The following RETREG1 variants were observed in gnomAD, a reference collection of about 807,000 sequenced individuals.
RETREG1 encodes the protein reticulophagy regulator 1, also known as family with sequence similarity 134 member B.
Under a neutral mutation model 54.8 loss-of-function variants are expected in RETREG1, and 44 were observed. That is an observed-to-expected ratio of 0.80 (90% CI 0.63 to 1.03). The LOEUF (loss-of-function observed/expected upper bound fraction) is 1.03, where lower values mean the gene tolerates loss of function less well. RETREG1 is among the 50% of genes least tolerant of loss of function. The pLI, the probability that RETREG1 is intolerant of heterozygous loss-of-function variation, is 0.00. For synonymous variants in RETREG1, 217 were observed against 238.5 expected, an observed-to-expected ratio of 0.91 and a Z score of 0.83; for missense variants, 554 against 605.1, an observed-to-expected ratio of 0.92 and a Z score of 0.89.
chr5:16,571,361 G>A (rs1742168095), intron 2 of RETREG1, among the ~76,000 whole-genome samples: 1 of 152,052 alleles, frequency 6.6e-6, no homozygotes, highest in Non-Finnish European at 1.5e-5. Context: ...TAAGTTTATG[G>A]GGCTTAATTA....
chr5:16,615,045 A>C (rs1340910488), intron 1 of RETREG1, among the ~76,000 whole-genome samples: 1 of 152,218 alleles, frequency 6.6e-6, no homozygotes, highest in East Asian at 1.9e-4. Flanking sequence ...TGTACCTTTA[A>C]ACTTTTGCAC....
intron 2 of RETREG1, among the ~76,000 whole-genome samples, chr5:16,571,584 T>A (rs1034981282): frequency 2.0e-5 from 3 of 152,204 alleles, no homozygotes; most frequent in Non-Finnish European, 2.9e-5. Flanking sequence ...ACTCATTTTT[T>A]AAAATTATTT....
Position 16,540,485 on chromosome 5 carries a change from A to C in RETREG1, c.458+25278T>G, listed in dbSNP as rs568833787. ...AAGGATCTTAAAAACTGAGAATCTC[A>C]AACTCTCTGATTCTGGAAATTCACA... On this transcript the variant is annotated intron_variant, in intron 3 of 8. Coordinates refer to ENST00000306320, the MANE Select transcript of RETREG1 (RefSeq NM_001034850.3). Among the ~76,000 whole-genome samples the C allele has an allele frequency of 7.2e-5, 11 of 152,368 alleles. No homozygotes were observed. The South Asian group carries it at 2.1e-3, about 29-fold the overall frequency.
In RETREG1 at chr5:16,483,705, A is replaced by T. The variant is rs528710427; in HGVS notation, c.459-233T>A. Among the ~76,000 whole-genome samples the T allele has an allele frequency of 5.9e-5, 9 of 152,272 alleles. No homozygotes were observed. In the South Asian group the frequency reaches 1.9e-3, roughly 32 times the overall value. On this transcript the variant is annotated intron_variant, in intron 3 of 8. Coordinates refer to ENST00000306320, the MANE Select transcript of RETREG1 (RefSeq NM_001034850.3). ...ACAATCAGGGAAACACTCAGGGAGAACAGGGTGAGGCTTAGGGACATCTTT... is the reference window on the plus strand; with the variant it reads ...ACAATCAGGGAAACACTCAGGGAGATCAGGGTGAGGCTTAGGGACATCTTT...
At chr5:16,524,035 C>T (rs959901688) in intron 3 of RETREG1, among the ~76,000 whole-genome samples, 1 of 152,152 alleles carries the variant, frequency 6.6e-6, no homozygotes, top group Non-Finnish European at 1.5e-5. Flanking sequence ...AACCCTGCCC[C>T]GCCTTCCATC....
chr5:16,563,692 A>G (rs1001652381), intron 3 of RETREG1, among the ~76,000 whole-genome samples: 16 of 152,328 alleles, frequency 1.1e-4, no homozygotes, highest in Admixed American at 2.6e-4. Flanking sequence ...TTGGTCTTAG[A>G]AGATGACCTG....
Position 16,509,185 on chromosome 5 carries a change from T to A in RETREG1, c.459-25713A>T, listed in dbSNP as rs370322212. ...AGCAGACAGCAAAACAGGCTGTACCTGTGAGGGTTGGGGGTTTTGTTTGGA... is the reference window on the plus strand; with the variant it reads ...AGCAGACAGCAAAACAGGCTGTACCAGTGAGGGTTGGGGGTTTTGTTTGGA... On this transcript the variant is annotated intron_variant, in intron 3 of 8. Transcript: ENST00000306320. Among the ~76,000 whole-genome samples, 85 of 152,246 alleles carry A rather than the reference T, an allele frequency of 5.6e-4. 1 individual carries two copies. The South Asian group carries it at 0.017, about 31-fold the overall frequency.
intron 1 of RETREG1, among the ~76,000 whole-genome samples, chr5:16,607,301 C>G (rs769637519): frequency 1.3e-5 from 2 of 152,080 alleles, no homozygotes; most frequent in African/African-American, 2.4e-5. Flanking sequence ...ATCCCCCGCA[C>G]CAAGAACAGT....
At chr5:16,566,706 G>T (rs1323589252) in intron 2 of RETREG1, among the ~76,000 whole-genome samples, 1 of 151,946 alleles carries the variant, frequency 6.6e-6, no homozygotes, top group Non-Finnish European at 1.5e-5. Flanking sequence ...TTTCCTTTTT[G>T]CCTTGGCTGC....
Position 16,478,968 on chromosome 5 carries a change from A to G in RETREG1, c.690T>C (p.Cys230=). Residue 230 remains cysteine, a synonymous_variant, in exon 6 of 9, where the codon TGT becomes TGC. Coordinates refer to ENST00000306320, the MANE Select transcript of RETREG1 (RefSeq NM_001034850.3). The stretch of plus-strand genomic sequence containing the variant: ...CAATATCATTACATTTAAACAATGG[A>G]CACAAAAATGCACACAGTACTGAAA... ...SYLLLLCAFL[C]PLFKCNDIGQ... is the part of the protein sequence containing the mutation. 2 of 1,612,080 alleles carry G rather than the reference A, an allele frequency of 1.2e-6. No individual in the cohort carries two copies. The highest frequency in any genetic ancestry group is 1.7e-6 in the Non-Finnish European group (2 of 1,178,860).
At chr5:16,496,545 T>C (rs1252530705) in intron 3 of RETREG1, among the ~76,000 whole-genome samples, 1 of 152,172 alleles carries the variant, frequency 6.6e-6, no homozygotes, top group East Asian at 1.9e-4. Flanking sequence ...TGGCCATGCC[T>C]ACCTGCAAGA....
intron 1 of RETREG1, among the ~76,000 whole-genome samples, chr5:16,573,753 T>G (rs528405425): frequency 5.5e-4 from 82 of 147,904 alleles, no homozygotes; most frequent in African/African-American, 1.9e-3. Flanking sequence ...TTTTTTTTTT[T>G]TTTTTTTTGA....
chr5:16,562,315 CAAAAAAAAGA>C (rs1283082557), intron 3 of RETREG1, among the ~76,000 whole-genome samples: 5 of 151,582 alleles, frequency 3.3e-5, no homozygotes, highest in Non-Finnish European at 7.4e-5. Context: ...AACTCTGTCT[CAAAAAAAAGA>C]AAAAGAAAGA....
chr5:16,564,860 AAGCAC>A (rs1361315990), intron 3 of RETREG1, among the ~76,000 whole-genome samples: 1 of 152,224 alleles, frequency 6.6e-6, no homozygotes, highest in Non-Finnish European at 1.5e-5. Context: ...TTATTTGCAT[AAGCAC>A]AGCTTCCAAA....
chr5:16,508,579 T>G (rs1247237280), intron 3 of RETREG1: 1 of 1,613,892 alleles, frequency 6.2e-7, no homozygotes, highest in Non-Finnish European at 8.5e-7. Context: ...CACAATTACC[T>G]TTTGCCTGGT....
chr5:16,527,340 A>C (rs1740745096), intron 3 of RETREG1, among the ~76,000 whole-genome samples: 1 of 152,208 alleles, frequency 6.6e-6, no homozygotes, highest in African/African-American at 2.4e-5. Context: ...TGTGCAATTG[A>C]AATTTCACCT....
chr5:16,554,973 A>G (rs1004354536), intron 3 of RETREG1, among the ~76,000 whole-genome samples: 1 of 152,070 alleles, frequency 6.6e-6, no homozygotes, highest in Non-Finnish European at 1.5e-5. Context: ...CTCCAGTAAC[A>G]TCTTTCCTGA....
At chr5:16,529,439 C>T (rs1246392999) in intron 3 of RETREG1, among the ~76,000 whole-genome samples, 2 of 152,134 alleles carry the variant, frequency 1.3e-5, no homozygotes, top group Non-Finnish European at 2.9e-5. Context: ...TGACTGTTTG[C>T]TGTCCAGGTA....
At chr5:16,612,746 T>TTTTCATA (rs947738821) in intron 1 of RETREG1, among the ~76,000 whole-genome samples, 22 of 152,198 alleles carry the variant, frequency 1.4e-4, no homozygotes, top group African/African-American at 5.1e-4. Context: ...TTTTAGCATT[T>TTTTCATA]TTTCATATTT....
Sources: gnomAD v4.1 joint callset for allele counts (sites outside exome capture counted in the v4.1 genomes callset) on GRCh38, gnomAD v4.1.1 for gene constraint, MANE v1.5 for transcripts, NCBI Gene and HGNC (gene_info 2026-07-23, HGNC 2026-07-21) for gene names.